Variants in PDE6B observed in about 807,000 individuals in gnomAD.
PDE6B encodes rod cGMP-specific 3',5'-cyclic phosphodiesterase subunit beta.
A neutral mutation model predicts 109.0 loss-of-function variants in PDE6B; 106 were observed. The ratio of observed to expected loss-of-function variants is 0.97; its 90% confidence interval spans 0.83 to 1.14. PDE6B has a LOEUF of 1.14. PDE6B is among the 50% of genes most tolerant of loss of function. PDE6B has a pLI of 0.00. For synonymous variants in PDE6B, 490 were observed against 471.3 expected, an observed-to-expected ratio of 1.04 and a Z score of -0.51; for missense variants, 1,193 against 1,155.6, an observed-to-expected ratio of 1.03 and a Z score of -0.47.
chr4:648,444 G>C lies in PDE6B; in HGVS notation c.712-5408G>C, dbSNP rs1034914489. Among the ~76,000 whole-genome samples, 2 of 150,496 alleles carry C rather than the reference G, an allele frequency of 1.3e-5. No individual in the cohort carries two copies. The highest frequency in any genetic ancestry group is 6.6e-5 in the Admixed American group (1 of 15,224). On this transcript the variant is annotated intron_variant, in intron 3 of 21. Transcript: ENST00000496514. This position sits in a 1 kb window ranked among gnomAD's most constrained non-coding sequence, Gnocchi z 4.5. The stretch of plus-strand genomic sequence containing the variant: ...GATTGGCCCCCGCAGTCCGCCCAAC[G>C]CCTGCACTTCGTCTGCCTCCTCCTT...
In PDE6B at chr4:666,972, G is replaced by A. The variant is rs1268053869; in HGVS notation, c.2352+358G>A. Among the ~76,000 whole-genome samples the A allele has an allele frequency of 6.6e-6, 1 of 152,224 alleles. No homozygotes were observed. The highest frequency in any genetic ancestry group is 1.5e-5 in the Non-Finnish European group (1 of 68,032). On this transcript the variant is annotated intron_variant, in intron 20 of 21. Coordinates refer to ENST00000496514, the MANE Select transcript of PDE6B (RefSeq NM_000283.4). The surrounding 1 kb of genome is among the most constrained non-coding windows in gnomAD (Gnocchi z 5.6). ...GGGGGCCTTGGCTGCAGCTCTGTGGGTTCATTTGTTCCATGTTTGTGAACC... is the reference window on the plus strand; with the variant it reads ...GGGGGCCTTGGCTGCAGCTCTGTGGATTCATTTGTTCCATGTTTGTGAACC...
chr4:664,362 A>G (rs567918294), intron 17 of PDE6B, 141 bp downstream of exon 17: 2 of 698,342 alleles, frequency 2.9e-6, no homozygotes, highest in East Asian at 5.4e-5. Flanking sequence ...GGGCTGTGAA[A>G]CAAATGCGCC....
At chr4:659,698 TTG>T (rs60213456) in intron 11 of PDE6B, among the ~76,000 whole-genome samples, 94 of 149,308 alleles carry the variant, frequency 6.3e-4, no homozygotes, top group South Asian at 2.8e-3. Flanking sequence ...ACATGGGCGT[TTG>T]TGTGTGTGTG....
At chr4:635,739 A>T in intron 2 of PDE6B, 141 bp from the exon 3 acceptor site, 2 of 704,050 alleles carry the variant, frequency 2.8e-6, no homozygotes, top group Non-Finnish European at 5.2e-6. Flanking sequence ...TGTGTGTGCC[A>T]ATCCATGTCT....
chr4:657,092 G>A, intron 9 of PDE6B, 69 bp downstream of exon 9: 1 of 1,482,842 alleles, frequency 6.7e-7, no homozygotes, highest in Non-Finnish European at 9.4e-7. Flanking sequence ...GCGGTGTGGG[G>A]GCCTCCCCGC....
chr4:639,287 G>T (rs1271450953), intron 3 of PDE6B, among the ~76,000 whole-genome samples: 1 of 152,010 alleles, frequency 6.6e-6, no homozygotes, highest in African/African-American at 2.4e-5. Context: ...TGGGACTACA[G>T]GTGCACCCCA....
In PDE6B at chr4:663,944, C is replaced by A; in HGVS notation, c.2021+74C>A. ...GGGACCCCCGGCAGACACGGGGGCG[C>A]AGCGGCGGCACAGCCCGGGGGACGC... On this transcript the variant is annotated intron_variant, in intron 16 of 21. Coordinates refer to ENST00000496514, the MANE Select transcript of PDE6B (RefSeq NM_000283.4). This position sits in a 1 kb window ranked among gnomAD's most constrained non-coding sequence, Gnocchi z 4.0. 1 of 1,200,872 alleles carries A rather than the reference C, an allele frequency of 8.3e-7. No homozygotes were observed. Among genetic ancestry groups the A allele is most frequent in the Non-Finnish European group, 1.2e-6 (1 of 842,026 alleles). 74.4% of individuals were successfully genotyped at this position (1,200,872 alleles called of 1,614,324 possible). A position where few individuals can be genotyped will look rare whatever the true frequency, so the allele number is the denominator to read the frequency against.
rs778827937 is a variant in PDE6B at position 667,889 on chromosome 4, A to G, written c.2386A>G (p.Met796Val). Residue 796 changes from methionine to valine, a missense_variant, in exon 21 of 22, where the codon ATG becomes GTG. Transcript: ENST00000496514. ...FSRFHEEILP[M>V]FDRLQNNRKE... ...TCGTTTCCACGAAGAGATCCTGCCC[A>G]TGTTCGACCGACTGCAGAACAATAG... 6 of 1,613,426 alleles carry G rather than the reference A, an allele frequency of 3.7e-6. No homozygotes were observed. Among genetic ancestry groups the G allele is most frequent in the South Asian group, 1.1e-5 (1 of 91,068 alleles).
At chr4:643,833 T>C (rs889597302) in intron 3 of PDE6B, among the ~76,000 whole-genome samples, 8 of 151,582 alleles carry the variant, frequency 5.3e-5, no homozygotes, top group African/African-American at 1.9e-4. Flanking sequence ...CATTCAATAC[T>C]ATAAATTTCC....
chr4:648,706 C>G lies in PDE6B; in HGVS notation c.712-5146C>G, dbSNP rs757930936. On this transcript the variant is annotated intron_variant, in intron 3 of 21. Transcript: ENST00000496514. The surrounding 1 kb of genome is among the most constrained non-coding windows in gnomAD (Gnocchi z 4.5). ...CTACAGAGCTCAGGTTTCTCTCTGA[C>G]CTGTCACGGCAGCTGCCTGTTCGGC... is the stretch of plus-strand genomic sequence containing the variant. Among the ~76,000 whole-genome samples the G allele has an allele frequency of 5.9e-5, 9 of 152,248 alleles. No individual in the cohort carries two copies. The highest frequency in any genetic ancestry group is 7.3e-5 in the Non-Finnish European group (5 of 68,046).
In PDE6B at chr4:625,726, G is replaced by A. The variant is rs182545478; in HGVS notation, c.100G>A (p.Ala34Thr). 35 of 1,613,530 alleles carry A rather than the reference G, an allele frequency of 2.2e-5. No individual in the cohort carries two copies. Among genetic ancestry groups the A allele is most frequent in the East Asian group, 1.8e-4 (8 of 44,878 alleles). Residue 34 changes from alanine (A) to threonine (T), a missense_variant, in exon 1 of 22, where the codon GCG (alanine) becomes ACG (threonine). Physicochemically the swap from Ala to Thr is moderately conservative, Grantham distance 58 (BLOSUM62 0). Transcript: ENST00000496514. This position sits in a 1 kb window ranked among gnomAD's most constrained non-coding sequence, Gnocchi z 5.0. The part of the protein sequence containing the change: ...GKKLSPENVA[A>T]ACEDGCPPDC... ...GAAACTGAGCCCTGAGAATGTGGCC[G>A]CGGCCTGCGAGGACGGGTGCCCGCC...
chr4:653,925 A>G lies in PDE6B; in HGVS notation c.785A>G (p.Tyr262Cys). The change falls in exon 4 of 22, where the codon TAC (tyrosine) becomes TGC (cysteine). Residue 262 changes from tyrosine to cysteine, a missense_variant. Tyr to Cys is a radical substitution (Grantham distance 194, BLOSUM62 -2). Transcript: ENST00000496514. The part of the protein sequence containing the change: ...DIERQFHKAF[Y>C]TVRAYLNCER... ...GAGAGGCAGTTCCACAAGGCCTTCT[A>G]CACGGTGCGGGCCTACCTCAACTGC... 6.2e-7 allele frequency: 1 copy of G among 1,613,798 alleles called. No individual in the cohort carries two copies. The highest frequency in any genetic ancestry group is 8.5e-7 in the Non-Finnish European group (1 of 1,179,916).
At chr4:649,862 A>G (rs559446700) in intron 3 of PDE6B, among the ~76,000 whole-genome samples, 4 of 152,290 alleles carry the variant, frequency 2.6e-5, no homozygotes, top group African/African-American at 9.6e-5. Flanking sequence ...TGAGAGGGCC[A>G]TGAGGCTGAG....
chr4:646,051 C>G (rs1389927070), intron 3 of PDE6B, among the ~76,000 whole-genome samples: 3 of 151,970 alleles, frequency 2.0e-5, no homozygotes, highest in African/African-American at 7.3e-5. Context: ...ATGTTGCTTT[C>G]CTGTCATTTA....
intron 1 of PDE6B, among the ~76,000 whole-genome samples, chr4:628,688 T>C (rs776140705): frequency 6.6e-6 from 1 of 152,170 alleles, no homozygotes; most frequent in Non-Finnish European, 1.5e-5. Context: ...CTGTGGGCCC[T>C]CCTGTCCCCA....
At chr4:645,796 T>C (rs1211479818) in intron 3 of PDE6B, among the ~76,000 whole-genome samples, 1 of 152,012 alleles carries the variant, frequency 6.6e-6, no homozygotes, top group Admixed American at 6.6e-5. Context: ...CAAAAAATTT[T>C]AGCATTTCCC....
intron 1 of PDE6B, among the ~76,000 whole-genome samples, chr4:628,366 G>A (rs1734221637): frequency 6.6e-6 from 1 of 152,224 alleles, no homozygotes; most frequent in South Asian, 2.1e-4. Context: ...GCTCGTGGCT[G>A]TGGTGGAAGA....
chr4:667,888 C>T lies in PDE6B; in HGVS notation c.2385C>T (p.Pro795=), dbSNP rs1737979454. 1 of 1,613,362 alleles carries T rather than the reference C, an allele frequency of 6.2e-7. No individual in the cohort carries two copies. The highest frequency in any genetic ancestry group is 1.1e-5 in the South Asian group (1 of 91,058). The change falls in exon 21 of 22, where the codon CCC becomes CCT. Residue 795 remains proline (P), a synonymous_variant. Transcript: ENST00000496514. ...EFSRFHEEIL[P]MFDRLQNNRK... ...CTCGTTTCCACGAAGAGATCCTGCCCATGTTCGACCGACTGCAGAACAATA... is the reference window on the plus strand; with the variant it reads ...CTCGTTTCCACGAAGAGATCCTGCCTATGTTCGACCGACTGCAGAACAATA...
intron 1 of PDE6B, among the ~76,000 whole-genome samples, chr4:629,357 G>A (rs1473158571): frequency 6.6e-6 from 1 of 152,240 alleles, no homozygotes; most frequent in Admixed American, 6.5e-5. Flanking sequence ...TGGGATGGAC[G>A]ATCCTGGTGG....
Sources: gnomAD v4.1 joint callset for allele counts (sites outside exome capture counted in the v4.1 genomes callset) on GRCh38, gnomAD v4.1.1 for gene constraint, Gnocchi (gnomAD v3.1) non-coding constraint, MANE v1.5 for transcripts, NCBI Gene and HGNC (gene_info 2026-07-23, HGNC 2026-07-21) for gene names.